C1RL: variants seen among roughly 807,000 people sequenced by gnomAD.
C1RL encodes the protein complement C1r subcomponent-like protein.
A neutral mutation model predicts 27.9 loss-of-function variants in C1RL; 27 were observed. The observed-to-expected ratio is 0.97, with a 90% CI of 0.71 to 1.33. The LOEUF (loss-of-function observed/expected upper bound fraction) is 1.33. Among genes scored for constraint, C1RL ranks in the 40% most tolerant of loss-of-function variants. The pLI is 0.00. For missense variants in C1RL, 563 were observed against 623.9 expected, an observed-to-expected ratio of 0.90 and a Z score of 1.04; for synonymous variants, 248 against 252.1, an observed-to-expected ratio of 0.98 and a Z score of 0.15.
intron 5 of C1RL, among the ~76,000 whole-genome samples, chr12:7,097,880 C>T (rs148994758): frequency 2.4e-3 from 360 of 152,314 alleles, no homozygotes; most frequent in Admixed American, 3.8e-3. Context: ...TTTGTAACAT[C>T]TCCCACTACC....
At chr12:7,108,855 C>A in intron 1 of C1RL, 1 of 555,120 alleles carries the variant, frequency 1.8e-6, no homozygotes, top group Non-Finnish European at 3.2e-6. Context: ...CGTAAATATC[C>A]CCCGACCACC....
Position 7,096,376 on chromosome 12 carries a change from T to C in C1RL, c.*15A>G. On this transcript the variant is annotated 3_prime_UTR_variant, in exon 6 of 6. Transcript: ENST00000266542. Reference sequence around the variant, plus strand: ...CCTCCACTGTGCTGGTCAGTCCCTGTTCAAGCCCCCAGGGTCAATTCTTGC... The same window carrying C: ...CCTCCACTGTGCTGGTCAGTCCCTGCTCAAGCCCCCAGGGTCAATTCTTGC... 2.7e-6 allele frequency: 4 copies of C among 1,504,782 alleles called. No individual in the cohort carries two copies. The highest frequency in any genetic ancestry group is 3.6e-6 in the Non-Finnish European group (4 of 1,113,836). The allele number at this position is 1,504,782 out of a possible 1,614,324, so 93.2% of individuals were successfully genotyped here.
At chr12:7,099,217 C>T (rs1203557183) in intron 5 of C1RL, among the ~76,000 whole-genome samples, 1 of 87,724 alleles carries the variant, frequency 1.1e-5, no homozygotes, top group Non-Finnish European at 2.0e-5. Context: ...AAGAGAGAAA[C>T]TCCATCCCAA....
chr12:7,099,950 G>A lies in C1RL; in HGVS notation c.567C>T (p.Ala189=), dbSNP rs771974731. The change falls in exon 4 of 6, where the codon GCC becomes GCT. Residue 189 remains alanine (A), a synonymous_variant. Coordinates refer to ENST00000266542, the MANE Select transcript of C1RL (RefSeq NM_016546.4). The part of the protein sequence containing the change: ...EAINAPGDNP[A]KVQNHCQEPY... ...GCTCCTGGCAGTGGTTCTGGACCTT[G>A]GCAGGGTTGTCTCCAGGTGCGTTGA... 29 of 1,613,962 alleles carry A rather than the reference G, an allele frequency of 1.8e-5. No individual in the cohort carries two copies. The South Asian group carries it at 3.2e-4, about 18-fold the overall frequency.
At chr12:7,103,908 A>C (rs1938693078) in intron 2 of C1RL, among the ~76,000 whole-genome samples, 1 of 152,194 alleles carries the variant, frequency 6.6e-6, no homozygotes. Context: ...GGCTGAATTG[A>C]ACAAAGTATC....
At chr12:7,100,048 C>G in intron 3 of C1RL, 22 bp from the exon 4 acceptor site, 1 of 1,595,074 alleles carries the variant, frequency 6.3e-7, no homozygotes. Context: ...CAGCACCTAG[C>G]ACAGACTTGC....
In C1RL at chr12:7,108,488, T is replaced by TG. The variant is rs777932477; in HGVS notation, c.72-10dup. On this transcript the variant is annotated splice_polypyrimidine_tract_variant and intron_variant, in intron 1 of 5. Transcript: ENST00000266542. ...AGAGAAGCAGCCACCACCTGTGAGT[T>TG]GGGGGGAGGGCAAGGTGGGGCCGCG... 2 of 1,573,080 alleles carry TG rather than the reference T, an allele frequency of 1.3e-6. No homozygotes were observed.
chr12:7,097,267 A>G (rs11613834), intron 5 of C1RL, 104 bp from the exon 6 acceptor site: 660,937 of 935,996 alleles, frequency 0.71, 240,635 homozygotes, highest in East Asian at 0.96. Context: ...GCGTGAAGAG[A>G]CTCTGGGATC....
chr12:7,102,658 C>T (rs933991981), intron 2 of C1RL, among the ~76,000 whole-genome samples: 1 of 152,168 alleles, frequency 6.6e-6, no homozygotes, highest in Non-Finnish European at 1.5e-5. Flanking sequence ...CCTTTTCCTG[C>T]TTTCCTTCTT....
At chr12:7,102,787 C>A (rs1238949898) in intron 2 of C1RL, among the ~76,000 whole-genome samples, 1 of 152,194 alleles carries the variant, frequency 6.6e-6, no homozygotes, top group Admixed American at 6.5e-5. Context: ...CTTCATCGGG[C>A]AGCTTGTCTC....
chr12:7,102,012 T>G lies in C1RL; in HGVS notation c.376A>C (p.Arg126=). 6.2e-7 allele frequency: 1 copy of G among 1,614,182 alleles called. No homozygotes were observed. Among genetic ancestry groups the G allele is most frequent in the Non-Finnish European group, 8.5e-7 (1 of 1,180,000 alleles). ...GSPLGRPPGQ[R]EFVSSGRSLR... ...CTCCTCCCTGAGGATACAAACTCCC[T>G]CTGACCAGGGGGCCTGCCCAGAGGG... Residue 126 remains arginine, a synonymous_variant, in exon 3 of 6, where the codon AGG becomes CGG. Transcript: ENST00000266542.
Position 7,099,920 on chromosome 12 carries a change from A to T in C1RL, c.597T>A (p.Tyr199Ter). 2.5e-6 allele frequency: 4 copies of T among 1,614,104 alleles called. No homozygotes were observed. Among genetic ancestry groups the T allele is most frequent in the East Asian group, 2.2e-5 (1 of 44,874 alleles). The stretch of plus-strand genomic sequence containing the variant: ...ACTCACCTGCTGCCGCGGCCTGATA[A>T]TAGGGCTCCTGGCAGTGGTTCTGGA... Reference protein sequence around the residue: ...AKVQNHCQEPYYQAAAAGALT... With the variant: ...AKVQNHCQEP Residue 199 changes from tyrosine (Y) to a stop codon, truncating the protein, a stop_gained, in exon 4 of 6, where the codon TAT becomes TAA. Coordinates refer to ENST00000266542, the MANE Select transcript of C1RL (RefSeq NM_016546.4). LOFTEE classifies it high-confidence loss of function.
chr12:7,106,483 C>T (rs777509269), intron 2 of C1RL, among the ~76,000 whole-genome samples: 1 of 151,974 alleles, frequency 6.6e-6, no homozygotes, highest in Non-Finnish European at 1.5e-5. Flanking sequence ...AGGAAATCCC[C>T]AGAAAGAGGG....
chr12:7,108,811 C>T (rs1429378850), intron 1 of C1RL: 4 of 547,138 alleles, frequency 7.3e-6, no homozygotes, highest in African/African-American at 3.8e-5. Flanking sequence ...CCCTGGGATC[C>T]GAGGGAGCAA....
At chr12:7,108,779 T>G in intron 1 of C1RL, 1 of 553,490 alleles carries the variant, frequency 1.8e-6, no homozygotes. Flanking sequence ...GGGTGCTTTC[T>G]GCTTCAGCAG....
intron 2 of C1RL, among the ~76,000 whole-genome samples, chr12:7,107,009 C>T (rs777132175): frequency 6.6e-6 from 1 of 151,788 alleles, no homozygotes; most frequent in Non-Finnish European, 1.5e-5. Context: ...ATAGAAAATA[C>T]GTAAAAATGA....
chr12:7,096,852 T>C lies in C1RL; in HGVS notation c.1003A>G (p.Asn335Asp), dbSNP rs2135752349. 1 of 1,603,106 alleles carries C rather than the reference T, an allele frequency of 6.2e-7. No homozygotes were observed. Among genetic ancestry groups the C allele is most frequent in the Non-Finnish European group, 8.5e-7 (1 of 1,173,844 alleles). Residue 335 changes from asparagine (N) to aspartate (D), a missense_variant, in exon 6 of 6, where the codon AAC becomes GAC. Asn to Asp is a conservative substitution (Grantham distance 23, BLOSUM62 1). Coordinates refer to ENST00000266542, the MANE Select transcript of C1RL (RefSeq NM_016546.4). ...HPDYRQNESHNFSGDIALLEL... is the reference protein window; with the variant it reads ...HPDYRQNESHDFSGDIALLEL... ...AGGAGGGCGATGTCCCCGCTAAAGT[T>C]ATGGGACTCATTCTGACGGTAGTCG...
rs372995416 is a variant in C1RL, at chr12:7,108,311, C to G, written c.240G>C (p.Arg80Ser). Residue 80 changes from arginine to serine, a missense_variant, in exon 2 of 6, where the codon AGG becomes AGC. Arg to Ser is a moderately radical substitution (Grantham distance 110). Transcript: ENST00000266542. ...CCAGGTCGAAGTCCTGGAAGACGAG[C>G]CTCACAGCAAAGCCCTCTGGAGCCT... Reference protein sequence around the residue: ...DIKAPEGFAVRLVFQDFDLEP... With the variant: ...DIKAPEGFAVSLVFQDFDLEP... 6.2e-7 allele frequency: 1 copy of G among 1,614,098 alleles called. No homozygotes were observed. Among genetic ancestry groups the G allele is most frequent in the Non-Finnish European group, 8.5e-7 (1 of 1,180,038 alleles).
intron 5 of C1RL, among the ~76,000 whole-genome samples, chr12:7,098,971 C>T (rs994851454): frequency 1.1e-4 from 17 of 149,720 alleles, no homozygotes; most frequent in South Asian, 2.1e-4. Flanking sequence ...TGAGGCGGGA[C>T]GATCACCTGA....
Sources: gnomAD v4.1 joint callset for allele counts (sites outside exome capture counted in the v4.1 genomes callset) on GRCh38, gnomAD v4.1.1 for gene constraint, MANE v1.5 for transcripts, NCBI Gene and HGNC (gene_info 2026-07-23, HGNC 2026-07-21) for gene names.